The following CDH4 variants were observed in gnomAD, a reference collection of about 807,000 sequenced individuals.
CDH4 encodes cadherin-4.
Under a neutral mutation model 86.0 loss-of-function variants are expected in CDH4, and 33 were observed. That is an observed-to-expected ratio of 0.38 (90% CI 0.29 to 0.51). The LOEUF (loss-of-function observed/expected upper bound fraction) is 0.51, where lower values mean the gene tolerates loss of function less well. Ranked by LOEUF, CDH4 falls within the 20% of genes least tolerant of loss-of-function variation. The pLI, the probability that CDH4 is intolerant of heterozygous loss-of-function variation, is 0.86. For missense variants in CDH4, 1,114 were observed against 1,307.4 expected (o/e 0.85, Z 2.28); for synonymous variants, 555 against 549.4 (o/e 1.01, Z -0.14).
At chr20:61,629,951 C>T (rs892392310) in intron 2 of CDH4, among the ~76,000 whole-genome samples, 14 of 152,210 alleles carry the variant, frequency 9.2e-5, no homozygotes, top group Admixed American at 7.8e-4. Context: ...GAGACATGAC[C>T]TGTGGCTCGG....
At chr20:61,601,315 C>A (rs2086598734) in intron 2 of CDH4, among the ~76,000 whole-genome samples, 1 of 152,158 alleles carries the variant, frequency 6.6e-6, no homozygotes, top group Non-Finnish European at 1.5e-5. Flanking sequence ...TCCCCATGAC[C>A]CAACACCTCC....
At chr20:61,294,669 T>G (rs149854674) in intron 2 of CDH4, among the ~76,000 whole-genome samples, 96 of 152,310 alleles carry the variant, frequency 6.3e-4, no homozygotes, top group Non-Finnish European at 1.2e-3. Context: ...GCAGGGCCCC[T>G]GTCGCCCACT....
chr20:61,312,960 AC>A (rs1227995990), intron 2 of CDH4, among the ~76,000 whole-genome samples: 1 of 151,538 alleles, frequency 6.6e-6, no homozygotes, highest in Admixed American at 6.6e-5. Flanking sequence ...AAGCTTTCCT[AC>A]CCCCTCACTG....
At chr20:61,371,804 G>A (rs551819680) in intron 2 of CDH4, among the ~76,000 whole-genome samples, 1 of 152,344 alleles carries the variant, frequency 6.6e-6, no homozygotes, top group Non-Finnish European at 1.5e-5. Flanking sequence ...AGAGTGTGCT[G>A]GTGCACATCT....
At chr20:61,317,931 C>T (rs2084485810) in intron 2 of CDH4, among the ~76,000 whole-genome samples, 1 of 152,194 alleles carries the variant, frequency 6.6e-6, no homozygotes, top group African/African-American at 2.4e-5. Flanking sequence ...AATGATCCAG[C>T]CATTGCAACT....
chr20:61,495,429 C>T (rs945483956), intron 2 of CDH4, among the ~76,000 whole-genome samples: 5 of 152,142 alleles, frequency 3.3e-5, no homozygotes, highest in East Asian at 1.9e-4. Context: ...CCTGAGAGGT[C>T]GCCCAAGGCT....
intron 2 of CDH4, among the ~76,000 whole-genome samples, chr20:61,625,029 T>G (rs1311524193): frequency 3.9e-5 from 6 of 152,184 alleles, no homozygotes; most frequent in Non-Finnish European, 8.8e-5. Flanking sequence ...GAACCCAAGT[T>G]GAGCAAGAGG....
chr20:61,268,737 C>G (rs535802648), intron 2 of CDH4, among the ~76,000 whole-genome samples: 1 of 152,284 alleles, frequency 6.6e-6, no homozygotes, highest in Admixed American at 6.5e-5. Context: ...GATCTCAACA[C>G]ATGGGCTGCC....
chr20:61,680,694 G>A (rs1401997155), intron 2 of CDH4, among the ~76,000 whole-genome samples: 1 of 152,150 alleles, frequency 6.6e-6, no homozygotes, highest in Non-Finnish European at 1.5e-5. Context: ...CAGCAAGTTC[G>A]ATGCTTTCCT....
At chr20:61,576,832 AGTTT>A (rs1286382213) in intron 2 of CDH4, among the ~76,000 whole-genome samples, 1 of 152,230 alleles carries the variant, frequency 6.6e-6, no homozygotes, top group Non-Finnish European at 1.5e-5. Flanking sequence ...ACCTCTCCAC[AGTTT>A]GTTTGGAAGA....
chr20:61,437,265 G>C (rs6089315), intron 2 of CDH4: 3 of 152,318 alleles, frequency 2.0e-5, no homozygotes, highest in South Asian at 2.1e-4. Flanking sequence ...CCTTAGTAGA[G>C]AGCTGTTTAT....
In CDH4 at chr20:61,829,458, G is replaced by A. The variant is rs1283465882; in HGVS notation, c.577-15210G>A. Among the ~76,000 whole-genome samples the A allele has an allele frequency of 1.3e-5, 2 of 152,224 alleles. No homozygotes were observed. The highest frequency in any genetic ancestry group is 2.4e-5 in the African/African-American group (1 of 41,470). ...CTGTTGTCAGTGTGCTGCCGGGCAC[G>A]TCTGTGTGCAAGGCTTTCTGTGGAC... On this transcript the variant is annotated intron_variant, in intron 4 of 15. Transcript: ENST00000614565. This position sits in a 1 kb window ranked among gnomAD's most constrained non-coding sequence, Gnocchi z 4.2.
intron 2 of CDH4, among the ~76,000 whole-genome samples, chr20:61,397,222 T>G (rs990270627): frequency 6.6e-6 from 1 of 152,172 alleles, no homozygotes; most frequent in African/African-American, 2.4e-5. Context: ...CATAAAAATA[T>G]TTATTTAAAT....
Position 61,761,420 on chromosome 20 carries a change from G to C in CDH4, c.397-11583G>C, listed in dbSNP as rs6121799. Among the ~76,000 whole-genome samples the C allele has an allele frequency of 8.7e-3, 1,324 of 152,350 alleles. 22 individuals are homozygous for C. The highest frequency in any genetic ancestry group is 0.029 in the African/African-American group (1,202 of 41,572). ...TGCAGGCATGGCCGGTCCTTCCCCA[G>C]ATGTTTCATTTCCACGGCAGACTCC... On this transcript the variant is annotated intron_variant, in intron 3 of 15. Coordinates refer to ENST00000614565, the MANE Select transcript of CDH4 (RefSeq NM_001794.5).
intron 4 of CDH4, among the ~76,000 whole-genome samples, chr20:61,820,575 G>A (rs1435088832): frequency 6.6e-6 from 1 of 152,220 alleles, no homozygotes; most frequent in Non-Finnish European, 1.5e-5. Context: ...CTGAGCAGAG[G>A]GGAGCTGAGG....
At chr20:61,262,341 G>T (rs2084132372) in intron 2 of CDH4, among the ~76,000 whole-genome samples, 1 of 152,090 alleles carries the variant, frequency 6.6e-6, no homozygotes, top group Non-Finnish European at 1.5e-5. Flanking sequence ...CAAGGTGCTT[G>T]GTATAACTTG....
At chr20:61,714,741 A>G (rs778232929) in intron 2 of CDH4, among the ~76,000 whole-genome samples, 1 of 152,138 alleles carries the variant, frequency 6.6e-6, no homozygotes, top group Non-Finnish European at 1.5e-5. Flanking sequence ...ATATTGTTTC[A>G]TTCTTTTTAT....
chr20:61,324,013 C>T (rs1261870063), intron 2 of CDH4, among the ~76,000 whole-genome samples: 1 of 152,172 alleles, frequency 6.6e-6, no homozygotes, highest in African/African-American at 2.4e-5. Flanking sequence ...TGGTTTCCAA[C>T]AAGATAGAAC....
At chr20:61,696,899 G>A (rs1021816517) in intron 2 of CDH4, among the ~76,000 whole-genome samples, 1 of 152,176 alleles carries the variant, frequency 6.6e-6, no homozygotes, top group South Asian at 2.1e-4. Flanking sequence ...GGGTCCTTAC[G>A]AGAGACGCAC....
Sources: allele counts gnomAD v4.1 joint callset (sites outside exome capture counted in the v4.1 genomes callset), GRCh38; gene constraint gnomAD v4.1.1; non-coding constraint Gnocchi (gnomAD v3.1); transcripts MANE v1.5; gene names NCBI Gene and HGNC (gene_info 2026-07-23, HGNC 2026-07-21).